The following CIC variants were observed in gnomAD, a reference collection of about 807,000 sequenced individuals.
CIC encodes protein capicua homolog.
A neutral mutation model predicts 115.7 loss-of-function variants in CIC; 18 were observed. The ratio of observed to expected loss-of-function variants is 0.16; its 90% CI spans 0.11 to 0.23. The LOEUF (loss-of-function observed/expected upper bound fraction) is 0.23. Among genes scored for constraint, CIC ranks in the 10% least tolerant of loss-of-function variants. The pLI is 1.00. For missense variants in CIC, 2,000 were observed against 2,159.3 expected, an observed-to-expected ratio of 0.93 and a Z score of 1.46; for synonymous variants, 1,076 against 923.0, an observed-to-expected ratio of 1.17 and a Z score of -3.01.
intron 11 of CIC, 25 bp downstream of exon 11, chr19:42,291,491 AGG>A: frequency 6.2e-7 from 1 of 1,613,116 alleles, no homozygotes; most frequent in Non-Finnish European, 8.5e-7. Flanking sequence ...GGGCAGCACT[AGG>A]GGAGGGGCCA....
Position 42,290,551 on chromosome 19 carries a change from C to T in CIC, c.4510C>T (p.Pro1504Ser), listed in dbSNP as rs778472492. Residue 1504 changes from proline (P) to serine (S), a missense_variant, in exon 11 of 21, where the codon CCT becomes TCT. Around this residue, in one of 8 missense-constraint regions of CIC, gnomAD observed 1,466 missense variants for 1,390.4 expected, o/e 1.05. Transcript: ENST00000681038. Reference sequence around the variant, plus strand: ...GGCAACCCGGTTCCTCCCAATGGATCCTGCCACCTTCCGGCGCAAGAGACC... The same window carrying T: ...GGCAACCCGGTTCCTCCCAATGGATTCTGCCACCTTCCGGCGCAAGAGACC... ...SKATRFLPMDPATFRRKRPES... is the reference protein window; with the variant it reads ...SKATRFLPMDSATFRRKRPES... The T allele has an allele frequency of 1.2e-6, 2 of 1,613,498 alleles. No individual in the cohort carries two copies. Among genetic ancestry groups the T allele is most frequent in the Non-Finnish European group, 1.7e-6 (2 of 1,179,908 alleles).
rs2147226985 is a variant in CIC, at chr19:42,288,999, G to A, written c.3770G>A (p.Gly1257Asp). The A allele has an allele frequency of 1.9e-6, 3 of 1,613,890 alleles. No individual in the cohort carries two copies. The highest frequency in any genetic ancestry group is 1.3e-5 in the African/African-American group (1 of 75,054). ...AERLHTVGGPGSARPRAFSHS... is the reference protein window; with the variant it reads ...AERLHTVGGPDSARPRAFSHS... ...CGGCTACACACAGTTGGGGGACCTGGCTCAGCCCGGCCCCGAGCTTTCTCC... is the reference window on the plus strand; with the variant it reads ...CGGCTACACACAGTTGGGGGACCTGACTCAGCCCGGCCCCGAGCTTTCTCC... Residue 1257 changes from glycine to aspartate, a missense_variant, in exon 8 of 21, where the codon GGC (glycine) becomes GAC (aspartate). By Grantham distance (94) the Gly-to-Asp change is moderately conservative (BLOSUM62 -1). Coordinates refer to ENST00000681038, the MANE Select transcript of CIC (RefSeq NM_001386298.1).
rs1453955665 is a variant in CIC at position 42,292,775 on chromosome 19, C to T, written c.6112C>T (p.Pro2038Ser). ...CACTGTGGCCACCAGCACAACCCCA[C>T]CTGCAGCCACCATTCTGCCCAAGGG... ...VYTVATSTTP[P>S]AATILPKGPP... is the part of the protein sequence containing the mutation. Residue 2038 changes from proline (P) to serine (S), a missense_variant, in exon 15 of 21, where the codon CCT becomes TCT. By Grantham distance (74) the Pro-to-Ser change is moderately conservative (BLOSUM62 -1). Transcript: ENST00000681038. 1.2e-6 allele frequency: 2 copies of T among 1,613,770 alleles called. No individual in the cohort carries two copies. Among genetic ancestry groups the T allele is most frequent in the Non-Finnish European group, 1.7e-6 (2 of 1,179,964 alleles).
At chr19:42,279,686 G>A (rs1325273159) in intron 2 of CIC, among the ~76,000 whole-genome samples, 1 of 152,204 alleles carries the variant, frequency 6.6e-6, no homozygotes, top group East Asian at 1.9e-4. Context: ...GAGAAGCTGG[G>A]GCTCTACGCG....
chr19:42,277,584 A>G (rs1478304604), intron 2 of CIC, among the ~76,000 whole-genome samples: 1 of 152,208 alleles, frequency 6.6e-6, no homozygotes, highest in Non-Finnish European at 1.5e-5. Flanking sequence ...CAGGCCCTTA[A>G]GCACTTTCAA....
chr19:42,284,758 C>A, intron 2 of CIC: 1 of 1,556,670 alleles, frequency 6.4e-7, no homozygotes, highest in African/African-American at 1.4e-5. Context: ...CCTCCCGTGG[C>A]CTCGGCATGT....
chr19:42,269,667 G>A (rs2036694113), intron 1 of CIC, among the ~76,000 whole-genome samples: 1 of 151,442 alleles, frequency 6.6e-6, no homozygotes, highest in Non-Finnish European at 1.5e-5. Context: ...ACAAGGAGAG[G>A]TGATGGGGAG....
At chr19:42,288,747 T>TG (rs1162083646) in intron 7 of CIC, 141 bp from the exon 8 acceptor site, 1 of 758,580 alleles carries the variant, frequency 1.3e-6, no homozygotes, top group African/African-American at 1.7e-5. Context: ...TGGTGGGTGG[T>TG]GGTTTTTTTT....
rs2036887285 is a variant in CIC, at chr19:42,274,279, T to A, written c.2496T>A (p.Gly832=). The A allele has an allele frequency of 2.5e-6, 1 of 398,692 alleles. No homozygotes were observed. The allele number at this position is 398,692 out of a possible 1,614,324, so 24.7% of individuals were successfully genotyped here. The change falls in exon 2 of 21, where the codon GGT becomes GGA. Residue 832 remains glycine (G), a synonymous_variant. Transcript: ENST00000681038. ...SKFPGEVGTA[G]EVRAGGPGRG... ...TCCCTGGGGAGGTGGGCACTGCTGG[T>A]GAGGTGCGGGCTGGGGGACCTGGGC...
chr19:42,278,047 C>T (rs2037056872), intron 2 of CIC, among the ~76,000 whole-genome samples: 1 of 152,258 alleles, frequency 6.6e-6, no homozygotes, highest in African/African-American at 2.4e-5. Flanking sequence ...CAGAGGGCAG[C>T]AGGTGTGAGG....
At position 42,287,398 on chromosome 19, in the gene CIC, A is replaced by G; in HGVS notation, c.3258A>G (p.Leu1086=). The G allele has an allele frequency of 1.2e-6, 2 of 1,613,920 alleles. No homozygotes were observed. The highest frequency in any genetic ancestry group is 4.5e-5 in the East Asian group (2 of 44,876). Residue 1086 remains leucine (L), a synonymous_variant, in exon 5 of 21, where the codon CTA becomes CTG. Transcript: ENST00000681038. The surrounding 1 kb of genome is among the most constrained non-coding windows in gnomAD (Gnocchi z 8.7). The part of the protein sequence containing the change: ...GKRRTQSLSA[L]PKERDSSSEK... ...GTCGGACCCAGTCCCTCAGTGCCCT[A>G]CCCAAGGAACGGGACTCATCTTCTG...
intron 7 of CIC, 49 bp from the exon 8 acceptor site, chr19:42,288,839 G>C: frequency 6.5e-7 from 1 of 1,547,666 alleles, no homozygotes; most frequent in Non-Finnish European, 8.9e-7. Flanking sequence ...CAGTCTAGGT[G>C]CTGGTGACAG....
At chr19:42,277,711 G>C (rs1381000112) in intron 2 of CIC, among the ~76,000 whole-genome samples, 1 of 152,244 alleles carries the variant, frequency 6.6e-6, no homozygotes, top group Non-Finnish European at 1.5e-5. Context: ...TGCCAGGCCT[G>C]TTGTCCAGGG....
upstream of CIC, chr19:42,268,648 C>G (rs1221616346): frequency 6.6e-6 from 1 of 152,264 alleles, no homozygotes; most frequent in African/African-American, 2.4e-5. Context: ...AGACTCACGA[C>G]GAACTGCCCT....
In CIC at chr19:42,273,509, C is replaced by T. The variant is rs561364067; in HGVS notation, c.1726C>T (p.Arg576Cys). ...RDSEASSVAA[R>C]GDSRPRLVAP... ...CAGTGAGGCCAGCAGTGTGGCGGCT[C>T]GTGGAGACTCACGGCCACGCCTGGT... Residue 576 changes from arginine (R) to cysteine (C), a missense_variant, in exon 2 of 21, where the codon CGT (arginine) becomes TGT (cysteine). Physicochemically the swap from Arg to Cys is radical, Grantham distance 180. Around this residue, in one of 8 missense-constraint regions of CIC, gnomAD observed 222 missense variants for 247.7 expected, o/e 0.90. Transcript: ENST00000681038. The T allele has an allele frequency of 5.0e-6, 2 of 398,458 alleles. No homozygotes were observed. The highest frequency in any genetic ancestry group is 4.4e-5 in the Admixed American group (1 of 22,740). 24.7% of individuals were successfully genotyped at this position (398,458 alleles called of 1,614,324 possible). A position where few individuals can be genotyped will look rare whatever the true frequency, so the allele number is the denominator to read the frequency against.
rs770150234 is a variant in CIC, at chr19:42,292,543, GCTT to G, written c.5903-14_5903-12del. On this transcript the variant is annotated intron_variant, in intron 14 of 20. Coordinates refer to ENST00000681038, the MANE Select transcript of CIC (RefSeq NM_001386298.1). ...AGTCCGGGCCCTAACTTGGTCTCCT[GCTT>G]CTTCTTCTCTGTCTTTCAGCAGGCC... 6.2e-3 allele frequency: 10,028 copies of G among 1,612,522 alleles called. 32 individuals carry two copies. Among genetic ancestry groups the G allele is most frequent in the Non-Finnish European group, 7.9e-3 (9,340 of 1,179,776 alleles).
In CIC at chr19:42,295,143, G is replaced by GGGGGGGGC; in HGVS notation, c.7506_7507insGGGGGGGC (p.Pro2503GlyfsTer29). The GGGGGGGGC allele has an allele frequency of 7.2e-7, 1 of 1,382,728 alleles. No individual in the cohort carries two copies. The highest frequency in any genetic ancestry group is 9.6e-7 in the Non-Finnish European group (1 of 1,037,816). 85.7% of individuals were successfully genotyped at this position (1,382,728 alleles called of 1,614,324 possible). On this transcript the variant is annotated frameshift_variant, in exon 21 of 21. Transcript: ENST00000681038. LOFTEE classifies it high-confidence loss of function. ...AGCCTGGCTGGGAGGGGGCTCCCCA[G>GGGGGGGGC]CCCTCCCCCCCACCCCCAGGTCCCT...
chr19:42,286,017 G>C (rs907401831), intron 2 of CIC, among the ~76,000 whole-genome samples: 2 of 152,236 alleles, frequency 1.3e-5, no homozygotes, highest in South Asian at 4.1e-4. Context: ...ACCCTCCCCT[G>C]TTTTGGGCAA....
chr19:42,270,102 G>A lies in CIC; in HGVS notation c.-11+721G>A, dbSNP rs755849900. On this transcript the variant is annotated intron_variant, in intron 1 of 20. Transcript: ENST00000681038. This position sits in a 1 kb window ranked among gnomAD's most constrained non-coding sequence, Gnocchi z 4.1. ...GGCGGCATAGTTGTAGGCCCTGGGTGGGGTATGCAAAGGTTTGTGCTTGGA... is the reference window on the plus strand; with the variant it reads ...GGCGGCATAGTTGTAGGCCCTGGGTAGGGTATGCAAAGGTTTGTGCTTGGA... 6.6e-6 allele frequency among the ~76,000 whole-genome samples: 1 copy of A among 152,174 alleles called. No individual in the cohort carries two copies. Among genetic ancestry groups the A allele is most frequent in the African/African-American group, 2.4e-5 (1 of 41,430 alleles).
Sources: allele counts gnomAD v4.1 joint callset (sites outside exome capture counted in the v4.1 genomes callset), GRCh38; gene constraint gnomAD v4.1.1; regional missense constraint gnomAD v4.1.1; non-coding constraint Gnocchi (gnomAD v3.1); transcripts MANE v1.5; gene names NCBI Gene and HGNC (gene_info 2026-07-23, HGNC 2026-07-21).